The following ROBO2 variants were observed in gnomAD, a reference collection of about 807,000 sequenced individuals.
The protein encoded by ROBO2 is roundabout homolog 2.
A neutral mutation model predicts 160.8 loss-of-function variants in ROBO2; 53 were observed. The observed-to-expected ratio is 0.33, with a 90% confidence interval of 0.26 to 0.41. ROBO2 has a LOEUF of 0.41. Among genes scored for constraint, ROBO2 ranks in the 10% least tolerant of loss-of-function variants. ROBO2 has a pLI of 1.00. For missense variants in ROBO2, 1,577 were observed against 1,722.4 expected (o/e 0.92, Z 1.49); for synonymous variants, 664 against 611.7 (o/e 1.09, Z -1.26).
At chr3:77,306,783 A>C (rs564424179) in intron 2 of ROBO2, among the ~76,000 whole-genome samples, 21 of 152,196 alleles carry the variant, frequency 1.4e-4, no homozygotes, top group Non-Finnish European at 1.9e-4. Flanking sequence ...AATCAGAGGA[A>C]TGTTTAATCT....
chr3:77,568,308 T>C lies in ROBO2; in HGVS notation c.1850-5T>C. 1 of 1,612,584 alleles carries C rather than the reference T, an allele frequency of 6.2e-7. No homozygotes were observed. Among genetic ancestry groups the C allele is most frequent in the Non-Finnish European group, 8.5e-7 (1 of 1,179,066 alleles). ...GGTGGGAATGATTCTCTTCTCTAAC[T>C]GCAGATATCAGCCCACCAGCACAAG... is the stretch of plus-strand genomic sequence containing the variant. On this transcript the variant is annotated splice_polypyrimidine_tract_variant and splice_region_variant and intron_variant, in intron 12 of 25. Transcript: ENST00000461745.
At chr3:76,214,766 A>G (rs562355175) in intron 2 of ROBO2, among the ~76,000 whole-genome samples, 1 of 152,342 alleles carries the variant, frequency 6.6e-6, no homozygotes, top group African/African-American at 2.4e-5. Flanking sequence ...AGACAGCAAT[A>G]ACATCTGCAG....
chr3:76,220,748 A>AAC (rs370105134), intron 2 of ROBO2, among the ~76,000 whole-genome samples: 6,150 of 151,054 alleles, frequency 0.041, 246 homozygotes, highest in African/African-American at 0.1. Context: ...ATTTGATGAA[A>AAC]ACACACACAC....
At chr3:76,194,727 C>T (rs1702180212) in intron 2 of ROBO2, among the ~76,000 whole-genome samples, 1 of 151,860 alleles carries the variant, frequency 6.6e-6, no homozygotes, top group Admixed American at 6.6e-5. Flanking sequence ...TCAAGTGATT[C>T]TCCTGCCTCA....
chr3:76,656,585 C>T (rs917525237), intron 2 of ROBO2, among the ~76,000 whole-genome samples: 8 of 152,000 alleles, frequency 5.3e-5, no homozygotes, highest in African/African-American at 1.9e-4. Flanking sequence ...AAAGAGCTGT[C>T]TACTTTATGG....
chr3:77,055,059 A>T (rs568846267), intron 1 of ROBO2, among the ~76,000 whole-genome samples: 1 of 151,380 alleles, frequency 6.6e-6, no homozygotes, highest in Non-Finnish European at 1.5e-5. Context: ...AAGTAGAGAA[A>T]CACTCATTCT....
At chr3:76,270,341 C>T (rs1200324161) in intron 2 of ROBO2, among the ~76,000 whole-genome samples, 2 of 151,980 alleles carry the variant, frequency 1.3e-5, no homozygotes, top group Non-Finnish European at 2.9e-5. Context: ...ATAGACATTC[C>T]TCAGAAACAT....
intron 2 of ROBO2, among the ~76,000 whole-genome samples, chr3:76,896,842 A>G (rs1433374550): frequency 6.6e-6 from 1 of 152,194 alleles, no homozygotes; most frequent in Non-Finnish European, 1.5e-5. Flanking sequence ...CTAAACTTTT[A>G]GGAAATTTCT....
intron 2 of ROBO2, among the ~76,000 whole-genome samples, chr3:76,267,762 T>C (rs1358396364): frequency 6.6e-6 from 1 of 152,194 alleles, no homozygotes; most frequent in Non-Finnish European, 1.5e-5. Context: ...TGATTCTTAA[T>C]GGTTAAGCAA....
At chr3:77,507,660 C>A (rs971691932) in intron 5 of ROBO2, among the ~76,000 whole-genome samples, 1 of 152,146 alleles carries the variant, frequency 6.6e-6, no homozygotes, top group Non-Finnish European at 1.5e-5. Context: ...AATGCAATTT[C>A]TAGTCCTATT....
intron 2 of ROBO2, among the ~76,000 whole-genome samples, chr3:77,005,805 A>T (rs1317573155): frequency 6.6e-6 from 1 of 152,188 alleles, no homozygotes; most frequent in Admixed American, 6.5e-5. Context: ...AAGATTACGA[A>T]GCAAAAAAGG....
At chr3:75,908,901 C>T (rs2106704775) in intron 1 of ROBO2, among the ~76,000 whole-genome samples, 1 of 152,262 alleles carries the variant, frequency 6.6e-6, no homozygotes, top group South Asian at 2.1e-4. Context: ...TAAAGACAGG[C>T]CACATTTAGC....
chr3:76,269,771 A>G (rs1707319920), intron 2 of ROBO2, among the ~76,000 whole-genome samples: 1 of 152,014 alleles, frequency 6.6e-6, no homozygotes, highest in South Asian at 2.1e-4. Context: ...TGTCTATTTC[A>G]TACTTTGTCT....
chr3:76,657,678 A>T (rs7613550), intron 2 of ROBO2, among the ~76,000 whole-genome samples: 1,053 of 43,374 alleles, frequency 0.024, 10 homozygotes, highest in African/African-American at 0.084. Context: ...GTATATATAT[A>T]CATATATGTG....
intron 2 of ROBO2, among the ~76,000 whole-genome samples, chr3:76,631,286 T>G (rs1359201112): frequency 6.6e-6 from 1 of 152,168 alleles, no homozygotes; most frequent in African/African-American, 2.4e-5. Context: ...ATGCTCAGTT[T>G]AGGTTAGAAA....
chr3:77,577,695 C>T, intron 15 of ROBO2, 81 bp downstream of exon 16: 2 of 1,497,496 alleles, frequency 1.3e-6, no homozygotes, highest in Non-Finnish European at 1.9e-6. Flanking sequence ...AGACACATCT[C>T]TAAAGGTTCT....
At chr3:76,684,773 TA>T (rs1160688639) in intron 2 of ROBO2, among the ~76,000 whole-genome samples, 15 of 152,176 alleles carry the variant, frequency 9.9e-5, no homozygotes, top group African/African-American at 2.9e-4. Context: ...CTATTTAAAA[TA>T]TTTTTTTATC....
At chr3:76,515,033 C>G (rs896030601) in intron 2 of ROBO2, among the ~76,000 whole-genome samples, 1 of 152,138 alleles carries the variant, frequency 6.6e-6, no homozygotes, top group African/African-American at 2.4e-5. Context: ...ATGGCTTGTT[C>G]ATTTATAACT....
chr3:76,890,986 TTTCTG>T (rs1267968337), intron 2 of ROBO2, among the ~76,000 whole-genome samples: 1 of 152,200 alleles, frequency 6.6e-6, no homozygotes, highest in Non-Finnish European at 1.5e-5. Flanking sequence ...AAATCTTTCT[TTTCTG>T]AGCTTGCTAA....
Sources: allele counts gnomAD v4.1 joint callset (sites outside exome capture counted in the v4.1 genomes callset), GRCh38; gene constraint gnomAD v4.1.1; transcripts MANE v1.5; gene names NCBI Gene and HGNC (gene_info 2026-07-23, HGNC 2026-07-21).